The following IMMP2L variants were observed in gnomAD, a reference collection of about 807,000 sequenced individuals.
The protein encoded by IMMP2L is mitochondrial inner membrane protease subunit 2.
IMMP2L carries 18 observed loss-of-function variants against 19.3 expected under a neutral mutation model. The observed-to-expected ratio is 0.93, with a 90% CI of 0.64 to 1.38. The LOEUF (loss-of-function observed/expected upper bound fraction) is 1.38. IMMP2L is among the 40% of genes most tolerant of loss of function. The pLI is 0.00. For synonymous variants in IMMP2L, 76 were observed against 73.0 expected (o/e 1.04, Z -0.21); for missense variants, 233 against 218.2 (o/e 1.07, Z -0.43).
chr7:111,512,779 G>T (rs1255777138), intron 2 of IMMP2L, among the ~76,000 whole-genome samples: 1 of 151,920 alleles, frequency 6.6e-6, no homozygotes, highest in Non-Finnish European at 1.5e-5. Context: ...ATAGAATAGA[G>T]AATCCAGAAA....
At chr7:111,157,337 A>G (rs1586614434) in intron 3 of IMMP2L, among the ~76,000 whole-genome samples, 1 of 152,124 alleles carries the variant, frequency 6.6e-6, no homozygotes, top group Non-Finnish European at 1.5e-5. Context: ...GTGTCCATCA[A>G]TTGATGAATG....
chr7:111,500,504 C>A (rs1172688414), intron 2 of IMMP2L, among the ~76,000 whole-genome samples: 2 of 152,146 alleles, frequency 1.3e-5, no homozygotes, highest in African/African-American at 4.8e-5. Context: ...GGGCAGACTG[C>A]CTCCTCAAGT....
At chr7:111,399,782 G>A (rs1833250495) in intron 3 of IMMP2L, among the ~76,000 whole-genome samples, 1 of 151,956 alleles carries the variant, frequency 6.6e-6, no homozygotes, top group South Asian at 2.1e-4. Context: ...ATTTAAACAT[G>A]TACTAGCATA....
intron 3 of IMMP2L, among the ~76,000 whole-genome samples, chr7:110,971,176 T>C (rs534344955): frequency 1.2e-3 from 180 of 152,200 alleles, no homozygotes; most frequent in Non-Finnish European, 2.0e-3. Context: ...TATTGAAGAA[T>C]GGCACAGCAG....
intron 3 of IMMP2L, among the ~76,000 whole-genome samples, chr7:111,072,977 T>C (rs1795089791): frequency 6.6e-6 from 1 of 151,584 alleles, no homozygotes; most frequent in Non-Finnish European, 1.5e-5. Context: ...AGATCATTGG[T>C]AAAGGCAAAG....
At chr7:110,963,232 A>T in intron 4 of IMMP2L, 1 of 650,024 alleles carries the variant, frequency 1.5e-6, no homozygotes, top group Non-Finnish European at 2.5e-6. Flanking sequence ...ATCAATAATG[A>T]TTTAATGATC....
intron 3 of IMMP2L, among the ~76,000 whole-genome samples, chr7:111,170,850 C>G (rs1459577640): frequency 1.3e-5 from 2 of 150,308 alleles, no homozygotes; most frequent in African/African-American, 4.9e-5. Context: ...ACCCATTACC[C>G]CAACAGTGAA....
intron 5 of IMMP2L, among the ~76,000 whole-genome samples, chr7:110,844,439 T>C (rs1805437461): frequency 6.6e-6 from 1 of 151,802 alleles, no homozygotes; most frequent in South Asian, 2.1e-4. Context: ...ATAGAAGAGT[T>C]CAGTATGAAA....
At chr7:111,468,271 G>A (rs904800731) in intron 3 of IMMP2L, among the ~76,000 whole-genome samples, 1 of 152,066 alleles carries the variant, frequency 6.6e-6, no homozygotes, top group African/African-American at 2.4e-5. Context: ...ATTGTTACCT[G>A]GATGTTATTA....
chr7:110,790,969 T>C (rs994276136), intron 5 of IMMP2L, among the ~76,000 whole-genome samples: 1 of 151,584 alleles, frequency 6.6e-6, no homozygotes, highest in Non-Finnish European at 1.5e-5. Context: ...ATGGCCTAAC[T>C]GGGCACCCTG....
chr7:110,810,276 C>T (rs1801946042), intron 5 of IMMP2L, among the ~76,000 whole-genome samples: 1 of 152,044 alleles, frequency 6.6e-6, no homozygotes, highest in African/African-American at 2.4e-5. Context: ...GCTGCTGATA[C>T]CATTTCTGGC....
chr7:111,020,453 T>C (rs566925367), intron 3 of IMMP2L, among the ~76,000 whole-genome samples: 9 of 151,286 alleles, frequency 5.9e-5, no homozygotes, highest in South Asian at 2.1e-4. Flanking sequence ...TCTACTATAG[T>C]ATATTGCACA....
chr7:111,154,728 T>A (rs1023345877), intron 3 of IMMP2L, among the ~76,000 whole-genome samples: 5 of 152,136 alleles, frequency 3.3e-5, no homozygotes, highest in African/African-American at 1.2e-4. Flanking sequence ...AAAATCATTG[T>A]ACATTAGTTC....
intron 5 of IMMP2L, among the ~76,000 whole-genome samples, chr7:110,674,198 A>G (rs1792125701): frequency 6.6e-6 from 1 of 152,152 alleles, no homozygotes; most frequent in African/African-American, 2.4e-5. Flanking sequence ...GAGAAATGTC[A>G]AGCAAAAGGG....
chr7:110,955,222 T>C (rs956708480), intron 4 of IMMP2L, among the ~76,000 whole-genome samples: 2 of 151,878 alleles, frequency 1.3e-5, no homozygotes, highest in African/African-American at 2.4e-5. Context: ...GATACAGCAA[T>C]AGTATGGAAA....
chr7:111,136,655 T>C (rs1802375581), intron 3 of IMMP2L, among the ~76,000 whole-genome samples: 2 of 152,180 alleles, frequency 1.3e-5, no homozygotes, highest in Admixed American at 1.3e-4. Flanking sequence ...CTCTAATCTC[T>C]GGAGTAGTAT....
chr7:111,159,931 C>T (rs770388087), intron 3 of IMMP2L, among the ~76,000 whole-genome samples: 2 of 151,996 alleles, frequency 1.3e-5, no homozygotes, highest in Admixed American at 6.6e-5. Flanking sequence ...GGGCACATCT[C>T]AATTCAGACT....
intron 3 of IMMP2L, among the ~76,000 whole-genome samples, chr7:111,390,385 C>T (rs1394911647): frequency 6.6e-6 from 1 of 152,190 alleles, no homozygotes; most frequent in Non-Finnish European, 1.5e-5. Context: ...ACACCCCAAA[C>T]TCCATCTCAA....
intron 3 of IMMP2L, among the ~76,000 whole-genome samples, chr7:111,466,913 A>G (rs1261778147): frequency 6.6e-6 from 1 of 152,186 alleles, no homozygotes; most frequent in Non-Finnish European, 1.5e-5. Context: ...CATAGGTTAT[A>G]TGCAAATACT....
Sources: gnomAD v4.1 joint callset for allele counts (sites outside exome capture counted in the v4.1 genomes callset) on GRCh38, gnomAD v4.1.1 for gene constraint, MANE v1.5 for transcripts, NCBI Gene and HGNC (gene_info 2026-07-23, HGNC 2026-07-21) for gene names.